Variants in EIF5B observed in about 807,000 individuals in gnomAD.
The protein encoded by EIF5B is eIF-5B.
In EIF5B, 47 loss-of-function variants were observed where a neutral mutation model predicts 147.5. The ratio of observed to expected loss-of-function variants is 0.32; its 90% CI spans 0.25 to 0.41. The LOEUF (loss-of-function observed/expected upper bound fraction) is 0.41, where lower values mean the gene tolerates loss of function less well. Among genes scored for constraint, EIF5B ranks in the 10% least tolerant of loss-of-function variants. The pLI is 1.00. For synonymous variants in EIF5B, 455 were observed against 456.2 expected, an observed-to-expected ratio of 1.00 and a Z score of 0.03; for missense variants, 1,064 against 1,413.2, an observed-to-expected ratio of 0.75 and a Z score of 3.96.
intron 6 of EIF5B, among the ~76,000 whole-genome samples, chr2:99,367,375 G>A (rs1380485219): frequency 6.7e-6 from 1 of 149,586 alleles, no homozygotes; most frequent in Non-Finnish European, 1.5e-5. Flanking sequence ...ATACGCATCT[G>A]AAAAGAATGT....
chr2:99,343,489 A>G (rs771754710), intron 1 of EIF5B, among the ~76,000 whole-genome samples: 8 of 151,942 alleles, frequency 5.3e-5, no homozygotes, highest in Non-Finnish European at 1.0e-4. Context: ...TGCCAAATCC[A>G]GGGTCGTGAA....
Position 99,398,733 on chromosome 2 carries a change from GTTC to G in EIF5B, c.3394-12_3394-10del. The G allele has an allele frequency of 1.9e-6, 3 of 1,601,108 alleles. No individual in the cohort carries two copies. Among genetic ancestry groups the G allele is most frequent in the Non-Finnish European group, 2.6e-6 (3 of 1,174,392 alleles). The stretch of plus-strand genomic sequence containing the variant: ...AATTCTTCTGCATGCATTTTAATTT[GTTC>G]TTATTTTATAGTTTGTTGACATCGG... On this transcript the variant is annotated splice_polypyrimidine_tract_variant and intron_variant, in intron 22 of 23. Coordinates refer to ENST00000289371, the MANE Select transcript of EIF5B (RefSeq NM_015904.4).
chr2:99,343,182 C>T lies in EIF5B; in HGVS notation c.35+5593C>T, dbSNP rs190175764. Among the ~76,000 whole-genome samples, 655 of 151,818 alleles carry T rather than the reference C, an allele frequency of 4.3e-3. 9 individuals carry two copies. Among genetic ancestry groups the T allele is most frequent in the Non-Finnish European group, 4.9e-3 (332 of 67,948 alleles). ...TGTTGGCCAGGCTGGTCTCGAAATC[C>T]TCACCTCAGGTGATCCATCCGTCTT... On this transcript the variant is annotated intron_variant, in intron 1 of 23. Transcript: ENST00000289371.
At chr2:99,357,194 T>G (rs776815388) in intron 1 of EIF5B, among the ~76,000 whole-genome samples, 21 of 152,350 alleles carry the variant, frequency 1.4e-4, no homozygotes, top group Non-Finnish European at 3.1e-4. Flanking sequence ...GCAGCTTTGT[T>G]CTTCAGTATT....
rs551920479 is a variant in EIF5B at position 99,344,522 on chromosome 2, C to T, written c.35+6933C>T. Among the ~76,000 whole-genome samples, 7 of 151,854 alleles carry T rather than the reference C, an allele frequency of 4.6e-5. No individual in the cohort carries two copies. In the East Asian group the frequency reaches 9.7e-4, roughly 21 times the overall value. On this transcript the variant is annotated intron_variant, in intron 1 of 23. Coordinates refer to ENST00000289371, the MANE Select transcript of EIF5B (RefSeq NM_015904.4). Reference sequence around the variant, plus strand: ...TGTGATCTCTGCTCACTGCAACCTCCGTCTCCTGGGTTCAAGGGATTCTTC... The same window carrying T: ...TGTGATCTCTGCTCACTGCAACCTCTGTCTCCTGGGTTCAAGGGATTCTTC...
In EIF5B at chr2:99,361,461, G is replaced by A. The variant is rs962916343; in HGVS notation, c.560G>A (p.Gly187Asp). The A allele has an allele frequency of 1.9e-6, 3 of 1,613,992 alleles. No homozygotes were observed. The highest frequency in any genetic ancestry group is 1.7e-6 in the Non-Finnish European group (2 of 1,180,002). The change falls in exon 4 of 24, where the codon GGT becomes GAT. Residue 187 changes from glycine to aspartate, a missense_variant. By Grantham distance (94) the Gly-to-Asp change is moderately conservative. Transcript: ENST00000289371. ...AGAATAAATTCTTCTGGTGAAAGTG[G>A]TGATGAATCAGATGAATTTTTGCAA... is the stretch of plus-strand genomic sequence containing the variant. ...RSRINSSGES[G>D]DESDEFLQSR...
chr2:99,338,169 G>T, intron 1 of EIF5B: 1 of 374,606 alleles, frequency 2.7e-6, no homozygotes, highest in Non-Finnish European at 4.5e-6. Context: ...CCTTCTTCCG[G>T]CCTGTTTTTT....
chr2:99,397,064 A>G, intron 22 of EIF5B, 166 bp downstream of exon 22: 1 of 708,048 alleles, frequency 1.4e-6, no homozygotes, highest in East Asian at 3.3e-5. Flanking sequence ...CCTCAGTAGG[A>G]AGAAAATGTG....
At chr2:99,342,226 A>G (rs1449399489) in intron 1 of EIF5B, among the ~76,000 whole-genome samples, 1 of 151,472 alleles carries the variant, frequency 6.6e-6, no homozygotes. Flanking sequence ...ACAATTTGAG[A>G]TTTTTCCTTT....
chr2:99,379,246 T>A, intron 11 of EIF5B, 72 bp from the exon 12 acceptor site: 2 of 1,465,540 alleles, frequency 1.4e-6, no homozygotes, highest in South Asian at 2.5e-5. Context: ...AATAAGTTGC[T>A]AATTTCTTAT....
At chr2:99,382,311 A>G in intron 13 of EIF5B, 85 bp downstream of exon 13, 2 of 1,161,224 alleles carry the variant, frequency 1.7e-6, no homozygotes, top group South Asian at 2.6e-5. Context: ...TTAACCTTTG[A>G]GTAGTAATTT....
At chr2:99,362,318 T>C (rs1433424607) in intron 4 of EIF5B, among the ~76,000 whole-genome samples, 3 of 152,182 alleles carry the variant, frequency 2.0e-5, no homozygotes, top group Middle Eastern at 3.2e-3. Context: ...CAACCAATTA[T>C]AAAATAAAAG....
At chr2:99,372,521 A>G (rs775683407) in intron 9 of EIF5B, among the ~76,000 whole-genome samples, 4 of 152,154 alleles carry the variant, frequency 2.6e-5, no homozygotes, top group African/African-American at 4.8e-5. Context: ...TATTTTTAGT[A>G]GAGATGGGGT....
chr2:99,398,245 C>T (rs1675104360), intron 22 of EIF5B: 1 of 152,522 alleles, frequency 6.6e-6, no homozygotes, highest in Admixed American at 6.5e-5. Context: ...TCCCTGTTTT[C>T]ACTCTTACTC....
At chr2:99,380,769 T>G (rs1211943312) in intron 12 of EIF5B, among the ~76,000 whole-genome samples, 1 of 152,234 alleles carries the variant, frequency 6.6e-6, no homozygotes, top group Non-Finnish European at 1.5e-5. Context: ...CCAGTTTTTG[T>G]TTTGTTTCTT....
At chr2:99,396,347 A>G (rs540015502) in intron 21 of EIF5B, among the ~76,000 whole-genome samples, 6 of 152,288 alleles carry the variant, frequency 3.9e-5, no homozygotes, top group Non-Finnish European at 8.8e-5. Context: ...TCTGATGCCT[A>G]TGTGATCCCC....
intron 1 of EIF5B, among the ~76,000 whole-genome samples, chr2:99,358,964 TC>T (rs1674148099): frequency 6.6e-6 from 1 of 152,206 alleles, no homozygotes; most frequent in Non-Finnish European, 1.5e-5. Context: ...TTTGCTGTCT[TC>T]CCTATTAAGC....
Position 99,337,532 on chromosome 2 carries a change from G to A in EIF5B, c.-23G>A. The A allele has an allele frequency of 1.2e-6, 2 of 1,610,750 alleles. No individual in the cohort carries two copies. Among genetic ancestry groups the A allele is most frequent in the Non-Finnish European group, 1.7e-6 (2 of 1,178,498 alleles). Reference sequence around the variant, plus strand: ...TGAGAGACCGAATAGAGGGGCTGGGGCCACGAGCGCCATTGACAAGCAATG... The same window carrying A: ...TGAGAGACCGAATAGAGGGGCTGGGACCACGAGCGCCATTGACAAGCAATG... On this transcript the variant is annotated 5_prime_UTR_variant, in exon 1 of 24. Transcript: ENST00000289371.
chr2:99,386,618 C>T (rs1674814576), intron 14 of EIF5B, among the ~76,000 whole-genome samples: 1 of 150,746 alleles, frequency 6.6e-6, no homozygotes, highest in Non-Finnish European at 1.5e-5. Context: ...CAACGTCCGC[C>T]TCCCAGGCTC....
Sources: allele counts gnomAD v4.1 joint callset (sites outside exome capture counted in the v4.1 genomes callset), GRCh38; gene constraint gnomAD v4.1.1; transcripts MANE v1.5; gene names NCBI Gene and HGNC (gene_info 2026-07-23, HGNC 2026-07-21).